The following NCKAP5 variants were observed in gnomAD, a reference collection of about 807,000 sequenced individuals.
The protein encoded by NCKAP5 is nck-associated protein 5.
A neutral mutation model predicts 167.0 loss-of-function variants in NCKAP5; 92 were observed. The observed-to-expected ratio is 0.55, with a 90% CI of 0.47 to 0.66. The LOEUF is 0.66. Among genes scored for constraint, NCKAP5 ranks in the 30% least tolerant of loss-of-function variants. The probability of loss-of-function intolerance (pLI) is 0.00; values close to 1 mark genes in which losing one functional copy is unlikely to be tolerated. For synonymous variants in NCKAP5, 891 were observed against 877.4 expected (o/e 1.02, Z -0.27); for missense variants, 2,378 against 2,315.0 (o/e 1.03, Z -0.56).
intron 5 of NCKAP5, among the ~76,000 whole-genome samples, chr2:133,161,044 GCCT>G (rs1403496224): frequency 6.6e-6 from 1 of 152,108 alleles, no homozygotes; most frequent in Non-Finnish European, 1.5e-5. Flanking sequence ...CCTGAGCTCT[GCCT>G]CCTGTCAGGT....
chr2:133,580,552 T>C, the NCKAP5 span, among the ~76,000 whole-genome samples: 15 of 152,296 alleles, frequency 9.8e-5, no homozygotes, highest in East Asian at 2.9e-3. Flanking sequence ...ATAATGGAGT[T>C]ATGGTATAGT....
At chr2:133,338,696 A>G (rs1256896854) in intron 3 of NCKAP5, among the ~76,000 whole-genome samples, 1 of 152,184 alleles carries the variant, frequency 6.6e-6, no homozygotes, top group Non-Finnish European at 1.5e-5. Flanking sequence ...GTGCTATGAC[A>G]TATATGCTTT....
At chr2:133,072,825 G>A (rs539046523) in intron 6 of NCKAP5, among the ~76,000 whole-genome samples, 11 of 151,886 alleles carry the variant, frequency 7.2e-5, no homozygotes, top group African/African-American at 1.5e-4. Flanking sequence ...TTACACATAC[G>A]GTATTTTAAT....
chr2:133,547,819 G>A lies in NCKAP5; in HGVS notation c.-62+11231C>T, dbSNP rs1022390787. Among the ~76,000 whole-genome samples, 219 of 147,446 alleles carry A rather than the reference G, an allele frequency of 1.5e-3. 1 individual carries two copies. The highest frequency in any genetic ancestry group is 8.4e-3 in the East Asian group (40 of 4,788). ...AACTGGAAACTCTAAAACGCAGAGC[G>A]CCTCTCCTCCTCCAAAGGAACGCAG... On this transcript the variant is annotated intron_variant, in intron 2 of 19. Transcript: ENST00000409261.
At chr2:133,300,622 C>T (rs1411059953) in intron 4 of NCKAP5, among the ~76,000 whole-genome samples, 15 of 134,906 alleles carry the variant, frequency 1.1e-4, no homozygotes, top group Admixed American at 6.6e-4. Context: ...ATTGATGGGA[C>T]GTATTTCAAA....
intron 8 of NCKAP5, among the ~76,000 whole-genome samples, chr2:132,885,790 G>A (rs779694519): frequency 6.6e-6 from 1 of 152,194 alleles, no homozygotes; most frequent in African/African-American, 2.4e-5. Context: ...CTGTAAGTAT[G>A]TATTATGTTT....
intron 3 of NCKAP5, among the ~76,000 whole-genome samples, chr2:133,375,651 T>A (rs1246621264): frequency 1.3e-5 from 2 of 152,206 alleles, no homozygotes; most frequent in African/African-American, 4.8e-5. Flanking sequence ...TGTCCACATG[T>A]TCTCATCCTT....
intron 10 of NCKAP5, among the ~76,000 whole-genome samples, chr2:132,867,766 C>T (rs894333842): frequency 3.3e-5 from 5 of 152,114 alleles, no homozygotes; most frequent in African/African-American, 9.6e-5. Flanking sequence ...CATTCCTGTT[C>T]GGCCTACCTG....
rs528593717 is a variant in NCKAP5 at position 132,935,421 on chromosome 2, C to T, written c.579+28299G>A. 1.1e-4 allele frequency among the ~76,000 whole-genome samples: 16 copies of T among 152,266 alleles called. No homozygotes were observed. The South Asian group carries it at 3.3e-3, about 32-fold the overall frequency. On this transcript the variant is annotated intron_variant, in intron 8 of 19. Transcript: ENST00000409261. ...AGCCAGGGCATCTTAATTATTATAA[C>T]TGTAACAGGAACTGTGGCATCAGAG...
chr2:133,365,109 A>AAC (rs146816540), intron 3 of NCKAP5, among the ~76,000 whole-genome samples: 47 of 151,260 alleles, frequency 3.1e-4, no homozygotes, highest in Admixed American at 1.1e-3. Context: ...CCTAGCTAGA[A>AAC]ACACACACAC....
chr2:132,945,924 G>A (rs1697685719), intron 8 of NCKAP5, among the ~76,000 whole-genome samples: 2 of 152,288 alleles, frequency 1.3e-5, no homozygotes, highest in South Asian at 4.1e-4. Context: ...AAACACTAAG[G>A]TGATGTCCAG....
intron 6 of NCKAP5, among the ~76,000 whole-genome samples, chr2:133,045,571 A>G (rs192671413): frequency 1.3e-5 from 2 of 152,184 alleles, no homozygotes; most frequent in African/African-American, 4.8e-5. Flanking sequence ...TTTATAGGGG[A>G]TGCATTCCAA....
intron 11 of NCKAP5, among the ~76,000 whole-genome samples, chr2:132,857,008 C>A (rs1689523957): frequency 6.6e-6 from 1 of 152,130 alleles, no homozygotes; most frequent in African/African-American, 2.4e-5. Context: ...ATAGGTCCTA[C>A]CCCATGGGAC....
chr2:132,736,989 G>A (rs537756462), intron 16 of NCKAP5, among the ~76,000 whole-genome samples: 1 of 152,250 alleles, frequency 6.6e-6, no homozygotes, highest in South Asian at 2.1e-4. Flanking sequence ...TGTTCCCATT[G>A]TTCCATGTGC....
At chr2:133,167,450 C>A (rs142365475) in intron 5 of NCKAP5, among the ~76,000 whole-genome samples, 58 of 152,272 alleles carry the variant, frequency 3.8e-4, no homozygotes, top group African/African-American at 1.2e-3. Flanking sequence ...CTTTAGTTCA[C>A]AAATCATATT....
intron 5 of NCKAP5, among the ~76,000 whole-genome samples, chr2:133,193,426 G>C (rs1464560964): frequency 6.6e-6 from 1 of 151,998 alleles, no homozygotes; most frequent in Non-Finnish European, 1.5e-5. Context: ...GGCTCTCTCT[G>C]TATGATTTCT....
chr2:133,021,627 T>A (rs191311203), intron 6 of NCKAP5, among the ~76,000 whole-genome samples: 112 of 152,304 alleles, frequency 7.4e-4, no homozygotes, highest in African/African-American at 2.7e-3. Context: ...CTAGTTTTTT[T>A]ATTGTTGTTT....
chr2:132,757,472 C>T (rs145466315), intron 16 of NCKAP5, among the ~76,000 whole-genome samples: 1 of 152,292 alleles, frequency 6.6e-6, no homozygotes, highest in Non-Finnish European at 1.5e-5. Flanking sequence ...TTCTATTTCT[C>T]TGGCACATCC....
At chr2:133,294,890 G>T (rs534045824) in intron 4 of NCKAP5, among the ~76,000 whole-genome samples, 3 of 152,238 alleles carry the variant, frequency 2.0e-5, no homozygotes, top group African/African-American at 7.2e-5. Context: ...AGCCTTAGAG[G>T]ATCTTCTTCT....
Sources: gnomAD v4.1 joint callset for allele counts (sites outside exome capture counted in the v4.1 genomes callset) on GRCh38, gnomAD v4.1.1 for gene constraint, MANE v1.5 for transcripts, NCBI Gene and HGNC (gene_info 2026-07-23, HGNC 2026-07-21) for gene names.